Variants in CSMD1 observed in about 807,000 individuals in gnomAD.
CSMD1 encodes CUB and Sushi multiple domains 1.
Under a neutral mutation model 417.5 loss-of-function variants are expected in CSMD1, and 213 were observed. The ratio of observed to expected loss-of-function variants is 0.51; its 90% CI spans 0.46 to 0.57. The LOEUF (loss-of-function observed/expected upper bound fraction) is 0.57, where lower values mean the gene tolerates loss of function less well. Among genes scored for constraint, CSMD1 ranks in the 20% least tolerant of loss-of-function variants. CSMD1 has a pLI of 0.00. For missense variants in CSMD1, 6,923 were observed against 4,529.7 expected (o/e 1.53, Z -15.17); for synonymous variants, 2,862 against 1,736.8 (o/e 1.65, Z -16.11).
rs187501750 is a variant in CSMD1, at chr8:4,285,041, T to C, written c.415+134912A>G. Among the ~76,000 whole-genome samples the C allele has an allele frequency of 4.6e-5, 7 of 152,314 alleles. No homozygotes were observed. The East Asian group carries it at 1.3e-3, about 29-fold the overall frequency. ...TAATGGTGTCCACACCATAAAACTG[T>C]TGTAAGCATAACACAATAGTCAGAA... On this transcript the variant is annotated intron_variant, in intron 3 of 69. Transcript: ENST00000635120.
intron 10 of CSMD1, among the ~76,000 whole-genome samples, chr8:3,571,913 G>A (rs550560605): frequency 3.1e-4 from 47 of 152,268 alleles, no homozygotes; most frequent in African/African-American, 1.0e-3. Flanking sequence ...CACCGAAAGG[G>A]CTACAGGAAG....
intron 4 of CSMD1, among the ~76,000 whole-genome samples, chr8:4,018,557 T>G (rs1353180207): frequency 1.3e-5 from 2 of 152,286 alleles, no homozygotes; most frequent in African/African-American, 4.8e-5. Context: ...CCTGCTTTGA[T>G]GAGAAAAGCA....
chr8:3,532,085 C>A (rs542836238), intron 10 of CSMD1, among the ~76,000 whole-genome samples: 1 of 152,172 alleles, frequency 6.6e-6, no homozygotes, highest in African/African-American at 2.4e-5. Flanking sequence ...CTATGAAAGC[C>A]CCTACATTCC....
intron 2 of CSMD1, among the ~76,000 whole-genome samples, chr8:4,563,753 G>C (rs1467012590): frequency 6.6e-6 from 1 of 152,168 alleles, no homozygotes; most frequent in African/African-American, 2.4e-5. Context: ...ATGTTAACAT[G>C]ACTAGACCAT....
chr8:3,708,085 T>C (rs1247293343), intron 7 of CSMD1, among the ~76,000 whole-genome samples: 2 of 152,000 alleles, frequency 1.3e-5, no homozygotes, highest in Admixed American at 6.6e-5. Flanking sequence ...TGGTCTGGTG[T>C]GTGTGGGGTG....
intron 3 of CSMD1, among the ~76,000 whole-genome samples, chr8:4,191,690 T>A (rs1180445926): frequency 6.7e-6 from 1 of 148,768 alleles, no homozygotes; most frequent in Non-Finnish European, 1.5e-5. Context: ...CAGTTCTTTG[T>A]GCCTTTACCA....
chr8:4,917,873 C>T (rs1241209523), intron 1 of CSMD1, among the ~76,000 whole-genome samples: 1 of 152,024 alleles, frequency 6.6e-6, no homozygotes, highest in Non-Finnish European at 1.5e-5. Flanking sequence ...TTGAGATGGG[C>T]CTGGAAGGCT....
chr8:4,487,379 T>C (rs1290551677), intron 2 of CSMD1, among the ~76,000 whole-genome samples: 1 of 152,156 alleles, frequency 6.6e-6, no homozygotes, highest in Non-Finnish European at 1.5e-5. Flanking sequence ...TGCGTTCTCA[T>C]TGTTCAGTTC....
At chr8:3,293,927 C>A (rs1803768553) in intron 25 of CSMD1, among the ~76,000 whole-genome samples, 2 of 152,128 alleles carry the variant, frequency 1.3e-5, no homozygotes, top group South Asian at 4.1e-4. Flanking sequence ...TGCAGTTTTT[C>A]TGCTCTGTTT....
intron 1 of CSMD1, among the ~76,000 whole-genome samples, chr8:4,976,919 G>A (rs1162338383): frequency 2.0e-5 from 3 of 152,174 alleles, no homozygotes; most frequent in Admixed American, 6.5e-5. Flanking sequence ...ATCCTCCAGA[G>A]CATCAAGTGT....
At chr8:3,468,589 T>C (rs1347899952) in intron 12 of CSMD1, 123 bp downstream of exon 12, 5 of 601,580 alleles carry the variant, frequency 8.3e-6, no homozygotes, top group Non-Finnish European at 1.2e-5. Flanking sequence ...GTTCCCGTCA[T>C]GATTCCTATT....
At chr8:4,565,462 G>C (rs887594745) in intron 2 of CSMD1, among the ~76,000 whole-genome samples, 1 of 151,934 alleles carries the variant, frequency 6.6e-6, no homozygotes, top group Middle Eastern at 3.2e-3. Flanking sequence ...TTTAGCCCAG[G>C]CATAGTGGCT....
intron 2 of CSMD1, among the ~76,000 whole-genome samples, chr8:4,506,983 A>T (rs562392621): frequency 1.3e-5 from 2 of 152,338 alleles, no homozygotes; most frequent in East Asian, 3.9e-4. Flanking sequence ...ACAAAATTGA[A>T]TCGGTGAAGG....
intron 1 of CSMD1, among the ~76,000 whole-genome samples, chr8:4,949,110 G>C (rs1340340257): frequency 1.3e-5 from 2 of 152,022 alleles, no homozygotes; most frequent in Non-Finnish European, 2.9e-5. Flanking sequence ...TGTAAATGTG[G>C]TAAATGGTAA....
rs144151822 is a variant in CSMD1, at chr8:3,527,939, T to G, written c.1345-34213A>C. 1.8e-3 allele frequency among the ~76,000 whole-genome samples: 268 copies of G among 152,236 alleles called. 2 individuals carry two copies. The highest frequency in any genetic ancestry group is 6.1e-3 in the African/African-American group (255 of 41,538). On this transcript the variant is annotated intron_variant, in intron 10 of 69. Coordinates refer to ENST00000635120, the MANE Select transcript of CSMD1 (RefSeq NM_033225.6). ...TGGTTGTAGGGCAGTTCTGTGCAGG[T>G]CAGTTTATCTGGCAGATTCTGTGGC...
intron 5 of CSMD1, among the ~76,000 whole-genome samples, chr8:3,833,286 T>C (rs115523496): frequency 2.0e-5 from 3 of 152,146 alleles, no homozygotes; most frequent in Non-Finnish European, 4.4e-5. Context: ...AACACTGATA[T>C]CTGTTTATTT....
intron 26 of CSMD1, among the ~76,000 whole-genome samples, chr8:3,243,779 TATA>T (rs1799701740): frequency 6.6e-6 from 1 of 150,500 alleles, no homozygotes; most frequent in African/African-American, 2.4e-5. Flanking sequence ...ATCATTTATA[TATA>T]ATATTGTCAT....
At chr8:4,617,969 A>G (rs1279916847) in intron 2 of CSMD1, among the ~76,000 whole-genome samples, 1 of 152,154 alleles carries the variant, frequency 6.6e-6, no homozygotes, top group Non-Finnish European at 1.5e-5. Context: ...TTTTTAAAAT[A>G]TTTATGATTT....
At chr8:3,498,507 G>A (rs1014684341) in intron 10 of CSMD1, among the ~76,000 whole-genome samples, 2 of 152,132 alleles carry the variant, frequency 1.3e-5, no homozygotes, top group African/African-American at 4.8e-5. Context: ...TCTGTTTGGT[G>A]ATCTTTGAGC....
Sources: gnomAD v4.1 joint callset for allele counts (sites outside exome capture counted in the v4.1 genomes callset) on GRCh38, gnomAD v4.1.1 for gene constraint, MANE v1.5 for transcripts, NCBI Gene and HGNC (gene_info 2026-07-23, HGNC 2026-07-21) for gene names.